Variants in TGFBR3 observed in about 807,000 individuals in gnomAD.
TGFBR3 encodes the protein transforming growth factor beta receptor type 3.
TGFBR3 carries 46 observed loss-of-function variants against 87.9 expected under a neutral mutation model. That is an observed-to-expected ratio of 0.52 (90% CI 0.41 to 0.67). TGFBR3 has a LOEUF of 0.67. TGFBR3 is among the 30% of genes least tolerant of loss of function. The pLI, the probability that TGFBR3 is intolerant of heterozygous loss-of-function variation, is 0.00. For missense variants in TGFBR3, 866 were observed against 1,041.9 expected, an observed-to-expected ratio of 0.83 and a Z score of 2.32; for synonymous variants, 381 against 391.6, an observed-to-expected ratio of 0.97 and a Z score of 0.32.
rs1450578314 is a variant in TGFBR3 at position 91,680,671 on chromosome 1, A to G, written c.*3068T>C. The G allele has an allele frequency of 6.6e-6, 3 of 453,978 alleles. No individual in the cohort carries two copies. Among genetic ancestry groups the G allele is most frequent in the South Asian group, 4.7e-5 (3 of 64,478 alleles). The allele number at this position is 453,978 out of a possible 1,614,324, so 28.1% of individuals were successfully genotyped here. On this transcript the variant is annotated 3_prime_UTR_variant, in exon 17 of 17. Coordinates refer to ENST00000212355, the MANE Select transcript of TGFBR3 (RefSeq NM_003243.5). ...AGATAAAACAAACATGAAAAAAATC[A>G]CATAGGACTCACCCAACAAAATGTG...
intron 2 of TGFBR3, among the ~76,000 whole-genome samples, chr1:91,891,288 A>G (rs1468343178): frequency 6.6e-6 from 1 of 151,742 alleles, no homozygotes; most frequent in Non-Finnish European, 1.5e-5. Flanking sequence ...ACTTGAGCCC[A>G]GGATTTCGAG....
intron 4 of TGFBR3, among the ~76,000 whole-genome samples, chr1:91,757,156 C>A (rs1327882786): frequency 7.2e-5 from 11 of 152,136 alleles, no homozygotes; most frequent in Admixed American, 7.2e-4. Context: ...GAATGGCTCC[C>A]CAGCCTTTCT....
rs1423756873 is a variant in TGFBR3 at position 91,680,493 on chromosome 1, AT to A, written c.*3245del. ...AGGGGTGTTCAAACTGGCCACAGGG[AT>A]TTTAAGGGTACTCGTTTTACCCTCA... On this transcript the variant is annotated 3_prime_UTR_variant, in exon 17 of 17. Coordinates refer to ENST00000212355, the MANE Select transcript of TGFBR3 (RefSeq NM_003243.5). 1 of 454,138 alleles carries A rather than the reference AT, an allele frequency of 2.2e-6. No homozygotes were observed. Among genetic ancestry groups the A allele is most frequent in the Admixed American group, 2.3e-5 (1 of 42,574 alleles). The allele number at this position is 454,138 out of a possible 1,614,324, so 28.1% of individuals were successfully genotyped here.
intron 13 of TGFBR3, among the ~76,000 whole-genome samples, chr1:91,710,193 G>A (rs181134286): frequency 3.0e-4 from 46 of 152,208 alleles, no homozygotes; most frequent in Admixed American, 9.8e-4. Context: ...AAGACTTTAG[G>A]CCTTGCTGTC....
chr1:91,874,809 A>T (rs952186803), intron 1 of TGFBR3, among the ~76,000 whole-genome samples: 1 of 152,074 alleles, frequency 6.6e-6, no homozygotes, highest in Non-Finnish European at 1.5e-5. Context: ...GTTTTAAGCA[A>T]GGGAATGAAG....
At chr1:91,850,651 C>T (rs754117414) in intron 2 of TGFBR3, among the ~76,000 whole-genome samples, 11 of 151,874 alleles carry the variant, frequency 7.2e-5, no homozygotes, top group Non-Finnish European at 1.5e-4. Flanking sequence ...TGTGGTGCCA[C>T]GTGCCTGTAG....
chr1:91,710,956 T>C (rs975393799), intron 13 of TGFBR3, among the ~76,000 whole-genome samples: 8 of 152,288 alleles, frequency 5.3e-5, no homozygotes, highest in African/African-American at 1.9e-4. Context: ...TTAACACACA[T>C]GAAGCTGGGC....
intron 4 of TGFBR3, among the ~76,000 whole-genome samples, chr1:91,752,093 G>A (rs558349491): frequency 1.8e-4 from 27 of 152,192 alleles, no homozygotes; most frequent in Non-Finnish European, 2.4e-4. Context: ...CTAGTACTCA[G>A]GCCTCCTAAC....
chr1:91,797,688 C>A (rs549304053), intron 2 of TGFBR3, among the ~76,000 whole-genome samples: 1 of 152,274 alleles, frequency 6.6e-6, no homozygotes, highest in Non-Finnish European at 1.5e-5. Flanking sequence ...TTTAAATTCC[C>A]TTTTGGACTC....
intron 2 of TGFBR3, among the ~76,000 whole-genome samples, chr1:91,838,824 A>T (rs1677163239): frequency 6.6e-6 from 1 of 152,106 alleles, no homozygotes; most frequent in African/African-American, 2.4e-5. Flanking sequence ...ATCTCTTTAA[A>T]TGTCTGGCTT....
intron 2 of TGFBR3, among the ~76,000 whole-genome samples, chr1:91,846,383 C>T (rs1263531131): frequency 2.0e-5 from 3 of 152,184 alleles, no homozygotes; most frequent in Non-Finnish European, 2.9e-5. Context: ...AAACAGAGGA[C>T]ACAAACTTCC....
intron 2 of TGFBR3, among the ~76,000 whole-genome samples, chr1:91,800,264 A>T (rs1188087108): frequency 2.0e-5 from 3 of 146,930 alleles, no homozygotes; most frequent in Admixed American, 2.0e-4. Context: ...ATACACACAC[A>T]CACACACACA....
chr1:91,901,439 G>A (rs986076891), intron 1 of TGFBR3, among the ~76,000 whole-genome samples: 1 of 152,034 alleles, frequency 6.6e-6, no homozygotes, highest in East Asian at 1.9e-4. Context: ...TATGCAATAG[G>A]CTGATTATTT....
chr1:91,750,131 C>T (rs574250226), intron 4 of TGFBR3, among the ~76,000 whole-genome samples: 9 of 152,288 alleles, frequency 5.9e-5, no homozygotes, highest in Admixed American at 1.3e-4. Context: ...ACAGACATGA[C>T]GCAAGTCCAG....
At chr1:91,871,480 G>A (rs1405633725) in intron 1 of TGFBR3, among the ~76,000 whole-genome samples, 2 of 152,162 alleles carry the variant, frequency 1.3e-5, no homozygotes, top group Non-Finnish European at 2.9e-5. Flanking sequence ...TTCTAAAGGT[G>A]GGGACAGACA....
intron 2 of TGFBR3, among the ~76,000 whole-genome samples, chr1:91,829,391 CAAACAAA>C (rs1322196397): frequency 5.7e-5 from 7 of 123,340 alleles, no homozygotes; most frequent in African/African-American, 2.1e-4. Flanking sequence ...AAAAAACAAA[CAAACAAA>C]AAAAAAAAAA....
At chr1:91,698,884 A>G (rs1179730016) in intron 14 of TGFBR3, among the ~76,000 whole-genome samples, 1 of 152,152 alleles carries the variant, frequency 6.6e-6, no homozygotes, top group Non-Finnish European at 1.5e-5. Context: ...CTATTATCCT[A>G]TAGTTTAACT....
intron 1 of TGFBR3, chr1:91,905,680 G>C (rs1373391550): frequency 6.6e-6 from 1 of 152,108 alleles, no homozygotes; most frequent in Non-Finnish European, 1.5e-5. Context: ...ACAGGCGCGA[G>C]CCACCGCGCC....
chr1:91,719,110 C>T (rs1428284412), intron 10 of TGFBR3, among the ~76,000 whole-genome samples: 1 of 152,150 alleles, frequency 6.6e-6, no homozygotes, highest in Non-Finnish European at 1.5e-5. Flanking sequence ...CCTTCCAATT[C>T]CCAAAGACTC....
Sources: gnomAD v4.1 joint callset for allele counts (sites outside exome capture counted in the v4.1 genomes callset) on GRCh38, gnomAD v4.1.1 for gene constraint, MANE v1.5 for transcripts, NCBI Gene and HGNC (gene_info 2026-07-23, HGNC 2026-07-21) for gene names.